UBE2E2: variants seen among roughly 807,000 people sequenced by gnomAD.
UBE2E2 encodes ubiquitin conjugating enzyme E2 E2.
In UBE2E2, 6 loss-of-function variants were observed where a neutral mutation model predicts 24.7. The observed-to-expected ratio is 0.24, with a 90% CI of 0.13 to 0.48. The LOEUF (loss-of-function observed/expected upper bound fraction) is 0.48. Ranked by LOEUF, UBE2E2 falls within the 20% of genes least tolerant of loss-of-function variation. The pLI is 0.99. For synonymous variants in UBE2E2, 104 were observed against 83.6 expected (o/e 1.24, Z -1.33); for missense variants, 169 against 245.0 (o/e 0.69, Z 2.07).
At chr3:23,290,852 C>A (rs1249163997) in intron 3 of UBE2E2, among the ~76,000 whole-genome samples, 2 of 133,392 alleles carry the variant, frequency 1.5e-5, no homozygotes, top group Non-Finnish European at 3.1e-5. Flanking sequence ...TCCAGGAGTT[C>A]AACATCAGCC....
chr3:23,217,685 G>C (rs78751279), intron 3 of UBE2E2, among the ~76,000 whole-genome samples: 19 of 152,082 alleles, frequency 1.2e-4, no homozygotes, highest in African/African-American at 4.6e-4. Context: ...TTGTTATCTT[G>C]TTGGAATTTG....
intron 5 of UBE2E2, among the ~76,000 whole-genome samples, chr3:23,565,403 G>A (rs907366529): frequency 6.9e-6 from 1 of 145,474 alleles, no homozygotes; most frequent in African/African-American, 2.6e-5. Context: ...GAGAAACTTG[G>A]AGATTTCTTT....
At chr3:23,284,852 C>G (rs1180855262) in intron 3 of UBE2E2, among the ~76,000 whole-genome samples, 1 of 151,038 alleles carries the variant, frequency 6.6e-6, no homozygotes, top group Non-Finnish European at 1.5e-5. Flanking sequence ...TCCCTGAGGT[C>G]TGTTCTAAAT....
intron 3 of UBE2E2, among the ~76,000 whole-genome samples, chr3:23,277,277 C>G (rs1177637439): frequency 1.3e-5 from 2 of 152,152 alleles, no homozygotes; most frequent in Non-Finnish European, 2.9e-5. Flanking sequence ...TGTGTTCACA[C>G]AGTGGCTTTC....
chr3:23,553,441 A>G (rs749094022), intron 5 of UBE2E2, among the ~76,000 whole-genome samples: 1 of 152,172 alleles, frequency 6.6e-6, no homozygotes, highest in South Asian at 2.1e-4. Flanking sequence ...AGCTATAACT[A>G]TAGGGCCTTT....
intron 3 of UBE2E2, among the ~76,000 whole-genome samples, chr3:23,465,261 G>A (rs766215023): frequency 3.9e-5 from 6 of 152,140 alleles, no homozygotes; most frequent in Non-Finnish European, 5.9e-5. Context: ...CTAATAAGTG[G>A]CCAAATGAAG....
At chr3:23,389,434 G>C (rs1433039697) in intron 3 of UBE2E2, among the ~76,000 whole-genome samples, 1 of 152,084 alleles carries the variant, frequency 6.6e-6, no homozygotes, top group Admixed American at 6.5e-5. Context: ...ACTTTTTTCT[G>C]TACCGTCTTC....
intron 3 of UBE2E2, among the ~76,000 whole-genome samples, chr3:23,373,107 C>G (rs1696436688): frequency 6.6e-6 from 1 of 152,138 alleles, no homozygotes; most frequent in South Asian, 2.1e-4. Context: ...AAACTCCAGA[C>G]CCTTCCTCCT....
chr3:23,306,732 G>C (rs901297453), intron 3 of UBE2E2, among the ~76,000 whole-genome samples: 1 of 152,162 alleles, frequency 6.6e-6, no homozygotes, highest in Non-Finnish European at 1.5e-5. Flanking sequence ...AAATAAACCA[G>C]TTGATACCTA....
intron 4 of UBE2E2, among the ~76,000 whole-genome samples, chr3:23,518,884 A>T (rs1045814861): frequency 9.2e-5 from 14 of 152,222 alleles, no homozygotes; most frequent in Non-Finnish European, 7.3e-5. Flanking sequence ...TATTAATCAT[A>T]TAAAAGCCAT....
At chr3:23,505,122 T>C (rs1319935743) in intron 4 of UBE2E2, among the ~76,000 whole-genome samples, 2 of 149,748 alleles carry the variant, frequency 1.3e-5, no homozygotes, top group African/African-American at 4.9e-5. Context: ...GGTTTTGCCA[T>C]GTTGCTCAGG....
At chr3:23,317,189 T>G (rs1310723912) in intron 3 of UBE2E2, among the ~76,000 whole-genome samples, 1 of 152,072 alleles carries the variant, frequency 6.6e-6, no homozygotes, top group Non-Finnish European at 1.5e-5. Flanking sequence ...GCCTAGGAAT[T>G]GTTGTCCTTG....
chr3:23,254,434 A>G (rs753578751), intron 3 of UBE2E2, among the ~76,000 whole-genome samples: 2 of 152,218 alleles, frequency 1.3e-5, no homozygotes, highest in Non-Finnish European at 2.9e-5. Flanking sequence ...AGAGTCCAGT[A>G]GCCGGTGTTT....
Position 23,354,403 on chromosome 3 carries a change from G to A in UBE2E2, c.227+137091G>A, listed in dbSNP as rs536998226. Among the ~76,000 whole-genome samples the A allele has an allele frequency of 1.4e-3, 215 of 152,094 alleles. 1 individual carries two copies. In the East Asian group the frequency reaches 0.031, roughly 22 times the overall value. On this transcript the variant is annotated intron_variant, in intron 3 of 5. Coordinates refer to ENST00000396703, the MANE Select transcript of UBE2E2 (RefSeq NM_152653.4). ...TTGACAAATGGGATCTAATTAAAGA[G>A]CTTCTGCACAGCAAAAGAAACTACC...
intron 3 of UBE2E2, among the ~76,000 whole-genome samples, chr3:23,337,375 G>C (rs1874234): frequency 0.84 from 127,380 of 152,134 alleles, 53,375 homozygotes; most frequent in African/African-American, 0.88. Context: ...ATTCGGCCCT[G>C]TTTCTGTGCT....
At chr3:23,410,349 C>T (rs1673098137) in intron 3 of UBE2E2, among the ~76,000 whole-genome samples, 2 of 152,064 alleles carry the variant, frequency 1.3e-5, no homozygotes, top group African/African-American at 4.8e-5. Flanking sequence ...TCTTGATTTT[C>T]CTCTTTTAAA....
In UBE2E2 at chr3:23,277,710, A is replaced by C. The variant is rs200561946; in HGVS notation, c.227+60398A>C. Among the ~76,000 whole-genome samples, 134 of 152,198 alleles carry C rather than the reference A, an allele frequency of 8.8e-4. 2 individuals carry two copies. Among genetic ancestry groups the C allele is most frequent in the East Asian group, 3.1e-3 (16 of 5,192 alleles). On this transcript the variant is annotated intron_variant, in intron 3 of 5. Transcript: ENST00000396703. ...GGATTTAATTAGATTCAGTCACTAA[A>C]TGTTTAGTGAATGCTTACTATGTGA...
At chr3:23,553,804 A>T (rs1695708889) in intron 5 of UBE2E2, among the ~76,000 whole-genome samples, 2 of 152,220 alleles carry the variant, frequency 1.3e-5, no homozygotes, top group South Asian at 4.1e-4. Flanking sequence ...TTATGATAGC[A>T]TTTAAAAATT....
At chr3:23,210,493 T>G (rs1020448574) in intron 2 of UBE2E2, among the ~76,000 whole-genome samples, 2 of 152,242 alleles carry the variant, frequency 1.3e-5, no homozygotes, top group African/African-American at 4.8e-5. Context: ...ATGAAAGATG[T>G]ACTGCTTTAT....
Sources: allele counts gnomAD v4.1 joint callset (sites outside exome capture counted in the v4.1 genomes callset), GRCh38; gene constraint gnomAD v4.1.1; transcripts MANE v1.5; gene names NCBI Gene and HGNC (gene_info 2026-07-23, HGNC 2026-07-21).